Variants in EMC3 observed in about 807,000 individuals in gnomAD.
The protein encoded by EMC3 is ER membrane protein complex subunit 3.
EMC3 carries 13 observed loss-of-function variants against 36.6 expected under a neutral mutation model. That is an observed-to-expected ratio of 0.35 (90% CI 0.23 to 0.56). The LOEUF (loss-of-function observed/expected upper bound fraction) is 0.56, where lower values mean the gene tolerates loss of function less well. Ranked by LOEUF, EMC3 falls within the 20% of genes least tolerant of loss-of-function variation. The pLI, the probability that EMC3 is intolerant of heterozygous loss-of-function variation, is 0.84. For synonymous variants in EMC3, 120 were observed against 111.9 expected, an observed-to-expected ratio of 1.07 and a Z score of -0.46; for missense variants, 220 against 324.5, an observed-to-expected ratio of 0.68 and a Z score of 2.47.
intron 1 of EMC3, among the ~76,000 whole-genome samples, chr3:9,982,571 G>C (rs1178816792): frequency 3.3e-5 from 5 of 151,986 alleles, no homozygotes; most frequent in Non-Finnish European, 5.9e-5. Context: ...GACATTTATA[G>C]TATATTTATT....
intron 7 of EMC3, chr3:9,969,371 T>G: frequency 1.7e-6 from 2 of 1,145,452 alleles, no homozygotes; most frequent in African/African-American, 3.3e-5. Context: ...AGGCTCTTAG[T>G]ATTGTTTTTT....
At position 10,002,277 on chromosome 3, in the gene EMC3, T is replaced by TTTTATTTTA. The variant is rs371226387; in HGVS notation, c.-242+8745_-242+8746insTAAAATAAA. Reference sequence around the variant, plus strand: ...CTTTAATTTTTTTCAGCAGTTTCTTTTTTTATTTTATTTTATTTTATTTTA... The same window carrying TTTTATTTTA: ...CTTTAATTTTTTTCAGCAGTTTCTTTTTTATTTTATTTTATTTTATTTTATTTTATTTTA... On this transcript the variant is annotated intron_variant, in intron 1 of 8. Coordinates refer to the EMC3 transcript ENST00000470827. 1.2e-3 allele frequency among the ~76,000 whole-genome samples: 183 copies of TTTTATTTTA among 148,114 alleles called. 2 individuals are homozygous for TTTTATTTTA. The highest frequency in any genetic ancestry group is 3.7e-3 in the African/African-American group (146 of 39,972).
At chr3:9,975,935 A>T (rs532711504) in intron 3 of EMC3, among the ~76,000 whole-genome samples, 1 of 152,154 alleles carries the variant, frequency 6.6e-6, no homozygotes, top group African/African-American at 2.4e-5. Flanking sequence ...TTTCTTAAAA[A>T]TTTGTTAAAA....
chr3:9,977,881 T>C (rs2085866086), intron 1 of EMC3, among the ~76,000 whole-genome samples: 1 of 151,844 alleles, frequency 6.6e-6, no homozygotes, highest in African/African-American at 2.4e-5. Flanking sequence ...CTTGAGAGGG[T>C]TGCTATCTGA....
At chr3:9,973,758 G>C in intron 4 of EMC3, 49 bp from the exon 5 acceptor site, 1 of 1,522,362 alleles carries the variant, frequency 6.6e-7, no homozygotes, top group Non-Finnish European at 9.1e-7. Flanking sequence ...TTTATTTTTA[G>C]AATAAGTGTG....
intron 5 of EMC3, among the ~76,000 whole-genome samples, chr3:9,972,765 GA>G (rs1220322808): frequency 1.1e-4 from 15 of 140,744 alleles, no homozygotes; most frequent in Admixed American, 1.4e-4. Context: ...ACTCCGTCTT[GA>G]AAAAAAAAAC....
At chr3:9,965,431 TAG>T (rs1387873221) in intron 7 of EMC3, among the ~76,000 whole-genome samples, 1 of 151,234 alleles carries the variant, frequency 6.6e-6, no homozygotes, top group South Asian at 2.1e-4. Context: ...GATAGATAGA[TAG>T]ATAGATAGAT....
intron 1 of EMC3, chr3:10,006,427 A>G (rs1254959868): frequency 6.6e-6 from 1 of 152,268 alleles, no homozygotes; most frequent in Non-Finnish European, 1.5e-5. Context: ...TGCATTTTAC[A>G]TTTCTTCTGT....
At chr3:9,979,758 T>C (rs2085889539) in intron 1 of EMC3, among the ~76,000 whole-genome samples, 1 of 151,938 alleles carries the variant, frequency 6.6e-6, no homozygotes, top group Non-Finnish European at 1.5e-5. Context: ...GGTGATGGAG[T>C]CTGGAAAGTC....
At position 9,963,450 on chromosome 3, in the gene EMC3, GATAGATAT is replaced by G. The variant is rs1182090731; in HGVS notation, c.*611_*618del. 2 of 77,650 alleles carry G rather than the reference GATAGATAT, an allele frequency of 2.6e-5. No individual in the cohort carries two copies. Among genetic ancestry groups the G allele is most frequent in the African/African-American group, 1.4e-4 (2 of 14,600 alleles). The allele number at this position is 77,650 out of a possible 1,614,324, so 4.8% of individuals were successfully genotyped here. ...CCTTCGAAGACTGGGCTTCTGCTAA[GATAGATAT>G]ATATATATATATATATATATTTTTT... On this transcript the variant is annotated 3_prime_UTR_variant, in exon 8 of 8. Transcript: ENST00000245046.
chr3:9,981,202 T>C (rs977144218), intron 1 of EMC3, among the ~76,000 whole-genome samples: 27 of 152,142 alleles, frequency 1.8e-4, no homozygotes, highest in African/African-American at 6.3e-4. Flanking sequence ...TCAACCTCTT[T>C]AGTCCAGCCT....
At chr3:9,998,449 G>A (rs977503898) in intron 1 of EMC3, among the ~76,000 whole-genome samples, 3 of 146,050 alleles carry the variant, frequency 2.1e-5, no homozygotes, top group East Asian at 2.0e-4. Context: ...TTTTTTTTAT[G>A]TATAGGATCT....
At position 9,964,113 on chromosome 3, in the gene EMC3, A is replaced by G. The variant is rs773157880; in HGVS notation, c.742T>C (p.Phe248Leu). The G allele has an allele frequency of 6.2e-7, 1 of 1,614,192 alleles. No individual in the cohort carries two copies. The highest frequency in any genetic ancestry group is 8.5e-7 in the Non-Finnish European group (1 of 1,180,028). Residue 248 changes from phenylalanine (F) to leucine (L), a missense_variant, in exon 8 of 8, where the codon TTC becomes CTC. Phe to Leu is a conservative substitution (Grantham distance 22). Around this residue, in one of 3 missense-constraint regions of EMC3, gnomAD observed 37 missense variants for 32.9 expected, o/e 1.13. Transcript: ENST00000245046. Reference sequence around the variant, plus strand: ...AATTCCTTTTTGAACATGCCTTCGAAGTGGAGGTCTTTGGCCATGAGCTCT... The same window carrying G: ...AATTCCTTTTTGAACATGCCTTCGAGGTGGAGGTCTTTGGCCATGAGCTCT... ...EEELMAKDLH[F>L]EGMFKKELQT... is the part of the protein sequence containing the mutation.
chr3:10,002,984 T>C (rs1246424793), intron 1 of EMC3: 2 of 450,308 alleles, frequency 4.4e-6, no homozygotes, highest in Non-Finnish European at 8.9e-6. Context: ...CCTGTGGCCT[T>C]CTTCTCCACC....
In EMC3 at chr3:9,969,259, C is replaced by T. The variant is rs559701271; in HGVS notation, c.657+460G>A. 16 of 996,744 alleles carry T rather than the reference C, an allele frequency of 1.6e-5. No homozygotes were observed. In the East Asian group the frequency reaches 3.7e-4, roughly 23 times the overall value. 61.7% of individuals were successfully genotyped at this position (996,744 alleles called of 1,614,324 possible). A position where few individuals can be genotyped will look rare whatever the true frequency, so the allele number is the denominator to read the frequency against. ...ACACGTGTGAGCCCCTGTGCCTGGC[C>T]GGAACTTCCCTTCTCTTTTAGTTTC... On this transcript the variant is annotated intron_variant, in intron 7 of 7. Transcript: ENST00000245046.
At chr3:9,968,324 T>A (rs1238508959) in intron 7 of EMC3, among the ~76,000 whole-genome samples, 1 of 152,260 alleles carries the variant, frequency 6.6e-6, no homozygotes, top group Non-Finnish European at 1.5e-5. Flanking sequence ...ATTACCAGTG[T>A]ATAGAAATAC....
At chr3:9,977,751 C>CT (rs1354730692) in intron 1 of EMC3, among the ~76,000 whole-genome samples, 1 of 152,120 alleles carries the variant, frequency 6.6e-6, no homozygotes, top group Non-Finnish European at 1.5e-5. Context: ...TAGGAAGACA[C>CT]TTTCTCTGAG....
Position 9,964,151 on chromosome 3 carries a change from T to C in EMC3, c.704A>G (p.Asp235Gly), listed in dbSNP as rs760425200. The C allele has an allele frequency of 6.2e-7, 1 of 1,614,172 alleles. No individual in the cohort carries two copies. Among genetic ancestry groups the C allele is most frequent in the Non-Finnish European group, 8.5e-7 (1 of 1,180,040 alleles). The change falls in exon 8 of 8, where the codon GAT becomes GGT. Residue 235 changes from aspartate to glycine, a missense_variant. Asp to Gly is a moderately conservative substitution (Grantham distance 94). Transcript: ENST00000245046. ...GGCCATGAGCTCTTCTTCGACATCA[T>C]CTAGTGCCCACTGGTGATCCGTCAG... Reference protein sequence around the residue: ...LELTDHQWALDDVEEELMAKD... With the variant: ...LELTDHQWALGDVEEELMAKD...
At chr3:9,965,098 A>T (rs1017511012) in intron 7 of EMC3, among the ~76,000 whole-genome samples, 1 of 150,668 alleles carries the variant, frequency 6.6e-6, no homozygotes, top group Admixed American at 6.6e-5. Flanking sequence ...GTCTTTAAAA[A>T]TAAATTAAAA....
Sources: gnomAD v4.1 joint callset for allele counts (sites outside exome capture counted in the v4.1 genomes callset) on GRCh38, gnomAD v4.1.1 for gene constraint, gnomAD v4.1.1 regional missense constraint, MANE v1.5 for transcripts, NCBI Gene and HGNC (gene_info 2026-07-23, HGNC 2026-07-21) for gene names.